ADRA1A: variants seen among roughly 807,000 people sequenced by gnomAD.
The protein encoded by ADRA1A is alpha-1A adrenergic receptor.
Under a neutral mutation model 29.6 loss-of-function variants are expected in ADRA1A, and 31 were observed. The ratio of observed to expected loss-of-function variants is 1.05; its 90% CI spans 0.79 to 1.41. The LOEUF is 1.41. ADRA1A is among the 40% of genes most tolerant of loss of function. ADRA1A has a pLI of 0.00. For synonymous variants in ADRA1A, 311 were observed against 254.3 expected (o/e 1.22, Z -2.12); for missense variants, 619 against 601.1 (o/e 1.03, Z -0.31).
downstream of ADRA1A, among the ~76,000 whole-genome samples, chr8:26,764,215 T>G (rs1055907056): frequency 6.6e-6 from 1 of 152,166 alleles, no homozygotes. Context: ...CCAAACTCCC[T>G]TTGGGACCTC....
intron 2 of ADRA1A, among the ~76,000 whole-genome samples, chr8:26,824,973 C>A (rs1267652127): frequency 6.6e-6 from 1 of 152,198 alleles, no homozygotes; most frequent in Non-Finnish European, 1.5e-5. Flanking sequence ...TCTGATTGAA[C>A]ATTGGATTTT....
chr8:26,772,032 C>T (rs2130289391), intron 2 of ADRA1A: 1 of 155,530 alleles, frequency 6.4e-6, no homozygotes, highest in Non-Finnish European at 1.4e-5. Context: ...GCGGGAGGTC[C>T]TGCCCTTCTG....
chr8:26,851,513 A>G (rs1303964632), intron 2 of ADRA1A, among the ~76,000 whole-genome samples: 1 of 152,240 alleles, frequency 6.6e-6, no homozygotes, highest in Non-Finnish European at 1.5e-5. Context: ...TTAAATCCTT[A>G]TTAAGGACAA....
rs1411157255 is a variant in ADRA1A, at chr8:26,757,181, G to T, written c.1270-402C>A. The stretch of plus-strand genomic sequence containing the variant: ...GAGTTGGGCCAAGAACCTCATCCCC[G>T]AAAGTGACTTTTTTTCCTCTCTTTA... On this transcript the variant is annotated intron_variant, in intron 2 of 2. Transcript: ENST00000380582. 6.0e-6 allele frequency: 4 copies of T among 662,500 alleles called. No homozygotes were observed. In the Admixed American group the frequency reaches 6.5e-5, roughly 11 times the overall value. 41.0% of individuals were successfully genotyped at this position (662,500 alleles called of 1,614,324 possible).
At chr8:26,863,210 A>G (rs1438186735) in intron 2 of ADRA1A, among the ~76,000 whole-genome samples, 1 of 152,228 alleles carries the variant, frequency 6.6e-6, no homozygotes, top group Non-Finnish European at 1.5e-5. Flanking sequence ...AATAGCACAC[A>G]ACCATTTTGG....
intron 2 of ADRA1A, among the ~76,000 whole-genome samples, chr8:26,808,084 C>T (rs1563268639): frequency 6.6e-6 from 1 of 152,132 alleles, no homozygotes; most frequent in Non-Finnish European, 1.5e-5. Flanking sequence ...AGGTGTTATA[C>T]CCTTGACTTT....
intron 2 of ADRA1A, among the ~76,000 whole-genome samples, chr8:26,789,109 C>A (rs114973526): frequency 0.019 from 2,916 of 151,994 alleles, 98 homozygotes; most frequent in African/African-American, 0.066. Flanking sequence ...CTTTTCCCCC[C>A]ACCCCTGACA....
chr8:26,822,634 A>G (rs1024654069), intron 2 of ADRA1A, among the ~76,000 whole-genome samples: 2 of 152,344 alleles, frequency 1.3e-5, no homozygotes, highest in East Asian at 3.9e-4. Flanking sequence ...TTTATAGACA[A>G]TAACTTACTC....
Position 26,769,624 on chromosome 8 carries a change from G to A in ADRA1A, c.*525C>T, listed in dbSNP as rs1490221974. On this transcript the variant is annotated 3_prime_UTR_variant, in exon 3 of 3. Coordinates refer to ENST00000380573, the MANE Select transcript of ADRA1A (RefSeq NM_000680.4). Reference sequence around the variant, plus strand: ...GAAATTGGATGTATCAGAAAGGGTGGAGTTTCAGGACTTGCTCTAAAAATA... The same window carrying A: ...GAAATTGGATGTATCAGAAAGGGTGAAGTTTCAGGACTTGCTCTAAAAATA... The A allele has an allele frequency of 2.0e-6, 2 of 985,470 alleles. No individual in the cohort carries two copies. The highest frequency in any genetic ancestry group is 3.5e-5 in the African/African-American group (2 of 57,228). 61.0% of individuals were successfully genotyped at this position (985,470 alleles called of 1,614,324 possible).
intron 2 of ADRA1A, among the ~76,000 whole-genome samples, chr8:26,826,027 G>T (rs953057337): frequency 6.6e-6 from 1 of 152,150 alleles, no homozygotes; most frequent in African/African-American, 2.4e-5. Flanking sequence ...CTTACACAAT[G>T]AGTTCATTTT....
chr8:26,826,344 C>A (rs908537658), intron 2 of ADRA1A, among the ~76,000 whole-genome samples: 1 of 152,210 alleles, frequency 6.6e-6, no homozygotes, highest in African/African-American at 2.4e-5. Flanking sequence ...CCTGCAAAGG[C>A]CTTGGAGTGA....
At chr8:26,782,098 C>G (rs540249088) in intron 2 of ADRA1A, among the ~76,000 whole-genome samples, 1 of 152,330 alleles carries the variant, frequency 6.6e-6, no homozygotes, top group African/African-American at 2.4e-5. Context: ...TAGCTTTGTG[C>G]GAAGCAGGAA....
chr8:26,774,713 T>G (rs1181839141), intron 2 of ADRA1A, among the ~76,000 whole-genome samples: 1 of 151,852 alleles, frequency 6.6e-6, no homozygotes. Flanking sequence ...CTCTCCTTAT[T>G]GACATTATTC....
chr8:26,803,956 C>G (rs1808783657), intron 2 of ADRA1A, among the ~76,000 whole-genome samples: 1 of 118,256 alleles, frequency 8.5e-6, no homozygotes, highest in African/African-American at 3.2e-5. Flanking sequence ...TGATTTCACT[C>G]TGTTGCTTAG....
Position 26,866,841 on chromosome 8 carries a change from C to G in ADRA1A, c.-687+95G>C, listed in dbSNP as rs1001662929. On this transcript the variant is annotated intron_variant, in intron 1 of 2. Coordinates refer to ENST00000380573, the MANE Select transcript of ADRA1A (RefSeq NM_000680.4). The surrounding 1 kb of genome is among the most constrained non-coding windows in gnomAD (Gnocchi z 5.7). The stretch of plus-strand genomic sequence containing the variant: ...AAAACCTGGTGGAAAAAGCGGGAGG[C>G]GCTGGGAAAAGTGGGGGTTCCGTCT... The G allele has an allele frequency of 2.0e-6, 2 of 984,972 alleles. No individual in the cohort carries two copies. The highest frequency in any genetic ancestry group is 6.2e-5 in the Admixed American group (1 of 16,254). 61.0% of individuals were successfully genotyped at this position (984,972 alleles called of 1,614,324 possible).
intron 2 of ADRA1A, among the ~76,000 whole-genome samples, chr8:26,800,109 C>A (rs181024301): frequency 0.017 from 2,634 of 151,966 alleles, 68 homozygotes; most frequent in African/African-American, 0.057. Context: ...AAATACAAAA[C>A]TTAGCCAGGC....
rs1182039454 is a variant in ADRA1A at position 26,809,937 on chromosome 8, A to C, written c.884-39271T>G. ...CTTAGACTTCCTAGATTGTTCATGG[A>C]ACTTTCTTCTTAGATTATTATACCC... On this transcript the variant is annotated intron_variant, in intron 2 of 2. Transcript: ENST00000380573. 2.6e-5 allele frequency among the ~76,000 whole-genome samples: 4 copies of C among 152,152 alleles called. No homozygotes were observed. The East Asian group carries it at 7.7e-4, about 29-fold the overall frequency.
chr8:26,822,791 G>C (rs930943543), intron 2 of ADRA1A, among the ~76,000 whole-genome samples: 2 of 152,152 alleles, frequency 1.3e-5, no homozygotes, highest in Non-Finnish European at 2.9e-5. Context: ...TCCGCTTCTG[G>C]GGAGATCTCA....
At chr8:26,830,444 T>C (rs1810892374) in intron 2 of ADRA1A, among the ~76,000 whole-genome samples, 1 of 152,210 alleles carries the variant, frequency 6.6e-6, no homozygotes, top group South Asian at 2.1e-4. Context: ...ACTCCCTTGT[T>C]CGTTCTAGGA....
Sources: gnomAD v4.1 joint callset for allele counts (sites outside exome capture counted in the v4.1 genomes callset) on GRCh38, gnomAD v4.1.1 for gene constraint, Gnocchi (gnomAD v3.1) non-coding constraint, MANE v1.5 for transcripts, NCBI Gene and HGNC (gene_info 2026-07-23, HGNC 2026-07-21) for gene names.